Variants in WDR70 observed in about 807,000 individuals in gnomAD.
WDR70 encodes WD repeat-containing protein 70.
WDR70 carries 53 observed loss-of-function variants against 88.6 expected under a neutral mutation model. The ratio of observed to expected loss-of-function variants is 0.60; its 90% confidence interval spans 0.48 to 0.75. The LOEUF is 0.75. Ranked by LOEUF, WDR70 falls within the 30% of genes least tolerant of loss-of-function variation. The pLI is 0.00. For missense variants in WDR70, 610 were observed against 823.2 expected (o/e 0.74, Z 3.17); for synonymous variants, 280 against 270.0 (o/e 1.04, Z -0.36).
chr5:37,439,990 A>G (rs56767302), intron 6 of WDR70, among the ~76,000 whole-genome samples: 7,520 of 152,018 alleles, frequency 0.049, 208 homozygotes, highest in South Asian at 0.077. Context: ...TTATATATCT[A>G]TTTTTTCAAT....
intron 9 of WDR70, among the ~76,000 whole-genome samples, chr5:37,559,520 T>C (rs1742421098): frequency 6.6e-6 from 1 of 152,164 alleles, no homozygotes; most frequent in Non-Finnish European, 1.5e-5. Context: ...TGGGTGTTGA[T>C]TGCCAGAAAT....
chr5:37,729,730 G>A (rs1453025932), intron 17 of WDR70, among the ~76,000 whole-genome samples: 4 of 152,084 alleles, frequency 2.6e-5, no homozygotes, highest in African/African-American at 9.7e-5. Flanking sequence ...ATTTTTTAGT[G>A]TTTATTTCCC....
chr5:37,583,258 C>T (rs192786520), intron 9 of WDR70, among the ~76,000 whole-genome samples: 3 of 152,038 alleles, frequency 2.0e-5, no homozygotes, highest in African/African-American at 4.8e-5. Flanking sequence ...AACCCCTTCT[C>T]TACTAAAAAT....
chr5:37,614,777 C>T (rs1744284457), intron 10 of WDR70, among the ~76,000 whole-genome samples: 1 of 152,242 alleles, frequency 6.6e-6, no homozygotes, highest in East Asian at 1.9e-4. Flanking sequence ...TAGGGCTTTT[C>T]TCTTCGATAT....
rs554887654 is a variant in WDR70 at position 37,583,599 on chromosome 5, C to A, written c.918-21465C>A. On this transcript the variant is annotated intron_variant, in intron 9 of 17. Transcript: ENST00000265107. ...TTTGAAAGGATGATTGACTATGACA[C>A]GCAGTCATAGTAGGTGGGATCCCTT... Among the ~76,000 whole-genome samples, 93 of 108,910 alleles carry A rather than the reference C, an allele frequency of 8.5e-4. 1 individual carries two copies. Among genetic ancestry groups the A allele is most frequent in the African/African-American group, 3.4e-3 (75 of 22,362 alleles). 71.4% of individuals were successfully genotyped at this position (108,910 alleles called of 152,430 possible).
chr5:37,415,592 G>T (rs1175654333), intron 5 of WDR70, among the ~76,000 whole-genome samples: 6 of 143,472 alleles, frequency 4.2e-5, no homozygotes, highest in Non-Finnish European at 3.1e-5. Context: ...CCCGGACGGG[G>T]CGGCTGGCCG....
intron 7 of WDR70, among the ~76,000 whole-genome samples, chr5:37,449,590 C>CAAAAAAAAAAAAAAAAAA (rs376148041): frequency 1.2e-5 from 1 of 85,730 alleles, no homozygotes; most frequent in African/African-American, 4.3e-5. Context: ...AATTTTGTCT[C>CAAAAAAAAAAAAAAAAAA]AAAAAAAAAA....
chr5:37,501,747 G>C (rs1469792777), intron 8 of WDR70, among the ~76,000 whole-genome samples: 1 of 152,068 alleles, frequency 6.6e-6, no homozygotes, highest in African/African-American at 2.4e-5. Context: ...AGATCAGTTG[G>C]TTGTAAGTAT....
chr5:37,543,909 C>T (rs1231378753), intron 9 of WDR70, among the ~76,000 whole-genome samples: 1 of 152,116 alleles, frequency 6.6e-6, no homozygotes, highest in African/African-American at 2.4e-5. Context: ...GCTGGGATTA[C>T]AGGTGCCCAC....
intron 8 of WDR70, among the ~76,000 whole-genome samples, chr5:37,508,422 A>T (rs1401948765): frequency 1.3e-5 from 2 of 152,256 alleles, no homozygotes; most frequent in Non-Finnish European, 2.9e-5. Flanking sequence ...TAAGCCACCC[A>T]GTCTATGGTC....
At chr5:37,507,822 T>A (rs1369242731) in intron 8 of WDR70, among the ~76,000 whole-genome samples, 1 of 152,224 alleles carries the variant, frequency 6.6e-6, no homozygotes, top group Non-Finnish European at 1.5e-5. Context: ...GGTTTCTAAC[T>A]GTCATTGGTA....
At chr5:37,689,794 T>C (rs1043954375) in intron 10 of WDR70, among the ~76,000 whole-genome samples, 8 of 152,048 alleles carry the variant, frequency 5.3e-5, no homozygotes, top group African/African-American at 1.9e-4. Context: ...AAAACCAGAG[T>C]GCCTCTTCTC....
intron 9 of WDR70, among the ~76,000 whole-genome samples, chr5:37,520,430 T>C (rs1741051173): frequency 6.6e-6 from 1 of 152,080 alleles, no homozygotes; most frequent in Admixed American, 6.5e-5. Flanking sequence ...AAATTTCTGG[T>C]AAATCAGATT....
At position 37,632,156 on chromosome 5, in the gene WDR70, A is replaced by G. The variant is rs1744835396; in HGVS notation, c.1092+26918A>G. The stretch of plus-strand genomic sequence containing the variant: ...CTGGTGATGTCATAGCCATCTTAAC[A>G]TTACAGCACAATGTGTTACTCGTGT... On this transcript the variant is annotated intron_variant, in intron 10 of 17. Transcript: ENST00000265107. 2.0e-5 allele frequency among the ~76,000 whole-genome samples: 3 copies of G among 152,216 alleles called. No homozygotes were observed. In the South Asian group the frequency reaches 6.2e-4, roughly 32 times the overall value.
Position 37,488,303 on chromosome 5 carries a change from A to G in WDR70, c.840+8316A>G, listed in dbSNP as rs577145882. 2.2e-3 allele frequency among the ~76,000 whole-genome samples: 336 copies of G among 151,550 alleles called. 2 individuals carry two copies. Among genetic ancestry groups the G allele is most frequent in the African/African-American group, 7.9e-3 (326 of 41,358 alleles). On this transcript the variant is annotated intron_variant, in intron 8 of 17. Coordinates refer to ENST00000265107, the MANE Select transcript of WDR70 (RefSeq NM_018034.4). ...AAAGACCTTTTTGGGTTGTATCTAT[A>G]TGGGAATCTGCTATCTTCTTGTATC...
At chr5:37,563,173 G>T in intron 9 of WDR70, among the ~76,000 whole-genome samples, 1 of 64,812 alleles carries the variant, frequency 1.5e-5, no homozygotes, top group African/African-American at 4.4e-5. Context: ...GCTGGGCGGG[G>T]GGCTGACCCC....
chr5:37,431,743 A>G (rs1441765370), intron 5 of WDR70, among the ~76,000 whole-genome samples: 3 of 152,216 alleles, frequency 2.0e-5, no homozygotes, highest in Non-Finnish European at 4.4e-5. Context: ...CCTGGCAGCA[A>G]CCATTCTGCT....
chr5:37,540,497 T>G (rs553173506), intron 9 of WDR70, among the ~76,000 whole-genome samples: 3 of 152,342 alleles, frequency 2.0e-5, no homozygotes, highest in Admixed American at 6.5e-5. Context: ...TTCTCCTGCC[T>G]CAGCCTCCTG....
intron 8 of WDR70, chr5:37,505,588 T>G: frequency 1.4e-6 from 1 of 690,858 alleles, no homozygotes; most frequent in Non-Finnish European, 2.6e-6. Context: ...AAAAATTTCC[T>G]TACAGTGTTA....
Sources: gnomAD v4.1 joint callset for allele counts (sites outside exome capture counted in the v4.1 genomes callset) on GRCh38, gnomAD v4.1.1 for gene constraint, MANE v1.5 for transcripts, NCBI Gene and HGNC (gene_info 2026-07-23, HGNC 2026-07-21) for gene names.